Variants in SNX24 observed in about 807,000 individuals in gnomAD.
SNX24 encodes the protein sorting nexin-24.
In SNX24, 22 loss-of-function variants were observed where a neutral mutation model predicts 28.7. That is an observed-to-expected ratio of 0.77 (90% CI 0.55 to 1.10). The LOEUF (loss-of-function observed/expected upper bound fraction) is 1.10, where lower values mean the gene tolerates loss of function less well. Ranked by LOEUF, SNX24 falls within the 50% of genes least tolerant of loss-of-function variation. The pLI, the probability that SNX24 is intolerant of heterozygous loss-of-function variation, is 0.00. For missense variants in SNX24, 221 were observed against 201.1 expected, an observed-to-expected ratio of 1.10 and a Z score of -0.60; for synonymous variants, 69 against 71.5, an observed-to-expected ratio of 0.96 and a Z score of 0.18.
intron 1 of SNX24, among the ~76,000 whole-genome samples, chr5:122,934,584 TC>T (rs1332527341): frequency 6.6e-6 from 1 of 152,132 alleles, no homozygotes; most frequent in Non-Finnish European, 1.5e-5. Context: ...GGTCTCAAAC[TC>T]CTGACCTCAT....
intron 1 of SNX24, among the ~76,000 whole-genome samples, chr5:122,919,253 C>T (rs934248380): frequency 1.3e-5 from 2 of 152,086 alleles, no homozygotes; most frequent in African/African-American, 2.4e-5. Flanking sequence ...CAGTGGCTTC[C>T]GCATTTTATG....
rs1338392348 is a variant in SNX24 at position 122,936,769 on chromosome 5, A to G, written c.96A>G (p.Lys32=). 1.2e-6 allele frequency: 2 copies of G among 1,607,400 alleles called. No homozygotes were observed. The highest frequency in any genetic ancestry group is 2.2e-5 in the East Asian group (1 of 44,804). Residue 32 remains lysine, a synonymous_variant, in exon 2 of 7, where the codon AAA becomes AAG. Coordinates refer to ENST00000261369, the MANE Select transcript of SNX24 (RefSeq NM_014035.4). Reference sequence around the variant, plus strand: ...TAGAAGTGCTAATGAATGGAAGAAAACATTTTGTTGAAAAGAGATACAGCG... The same window carrying G: ...TAGAAGTGCTAATGAATGGAAGAAAGCATTTTGTTGAAAAGAGATACAGCG... ...FKIEVLMNGR[K]HFVEKRYSEF... is the part of the protein sequence containing the mutation.
chr5:122,856,852 A>T (rs532871347), intron 1 of SNX24, among the ~76,000 whole-genome samples: 45 of 152,162 alleles, frequency 3.0e-4, no homozygotes, highest in South Asian at 1.0e-3. Context: ...ATAGCTCAAA[A>T]GAAAAGTTTC....
At chr5:122,986,566 C>T (rs1045533833) in intron 3 of SNX24, among the ~76,000 whole-genome samples, 16 of 152,074 alleles carry the variant, frequency 1.1e-4, no homozygotes, top group African/African-American at 3.9e-4. Context: ...AGTGATTTAG[C>T]AACTCAAAAG....
chr5:122,856,741 C>G (rs1373753642), intron 1 of SNX24, among the ~76,000 whole-genome samples: 1 of 151,938 alleles, frequency 6.6e-6, no homozygotes, highest in Admixed American at 6.6e-5. Flanking sequence ...GTTTTGAACT[C>G]CTGACCTCAA....
intron 3 of SNX24, among the ~76,000 whole-genome samples, chr5:122,983,469 T>C (rs1761471978): frequency 6.6e-6 from 1 of 152,216 alleles, no homozygotes; most frequent in Admixed American, 6.5e-5. Flanking sequence ...AGACTCTGTT[T>C]ATCTCAAAAT....
chr5:123,026,396 T>C (rs991442981), intron 5 of SNX24, among the ~76,000 whole-genome samples: 1 of 152,142 alleles, frequency 6.6e-6, no homozygotes, highest in Non-Finnish European at 1.5e-5. Context: ...TTATCCAGGA[T>C]TGGGTGTTAC....
chr5:122,972,650 C>G (rs531018094), intron 3 of SNX24, among the ~76,000 whole-genome samples: 57 of 152,322 alleles, frequency 3.7e-4, no homozygotes, highest in African/African-American at 1.3e-3. Flanking sequence ...AATACCATGA[C>G]TGTGGATAAG....
chr5:123,001,996 C>A lies in SNX24; in HGVS notation c.434C>A (p.Ala145Glu), dbSNP rs1183376182. ...CTCAGGGATCCATATGTCTTGCCTGCAGCCAGCGGTAATCAAACCTGTCAT... is the reference window on the plus strand; with the variant it reads ...CTCAGGGATCCATATGTCTTGCCTGAAGCCAGCGGTAATCAAACCTGTCAT... The part of the protein sequence containing the change: ...LFLRDPYVLP[A>E]ASDFPNVVIE... The change falls in exon 6 of 7, where the codon GCA (alanine) becomes GAA (glutamate). Residue 145 changes from alanine to glutamate, a missense_variant. Transcript: ENST00000261369. The A allele has an allele frequency of 8.1e-6, 13 of 1,613,572 alleles. No homozygotes were observed. Among genetic ancestry groups the A allele is most frequent in the African/African-American group, 1.3e-5 (1 of 74,908 alleles).
chr5:122,918,808 T>A (rs1034426732), intron 1 of SNX24, among the ~76,000 whole-genome samples: 3 of 152,222 alleles, frequency 2.0e-5, no homozygotes, highest in Admixed American at 6.5e-5. Flanking sequence ...TTATGAAATG[T>A]AGTTTTCTAC....
In SNX24 at chr5:122,897,461, A is replaced by T. The variant is rs373590290; in HGVS notation, c.61-39273A>T. Reference sequence around the variant, plus strand: ...GCATTCATAAGAATTAGAAGACAGCATATAGACTAACATGTTAAAGGAAAG... The same window carrying T: ...GCATTCATAAGAATTAGAAGACAGCTTATAGACTAACATGTTAAAGGAAAG... On this transcript the variant is annotated intron_variant, in intron 1 of 6. Coordinates refer to ENST00000261369, the MANE Select transcript of SNX24 (RefSeq NM_014035.4). Among the ~76,000 whole-genome samples, 16 of 152,358 alleles carry T rather than the reference A, an allele frequency of 1.1e-4. 2 individuals carry two copies. The highest frequency in any genetic ancestry group is 3.9e-4 in the East Asian group (2 of 5,192).
chr5:122,908,363 AT>A (rs1293697923), intron 1 of SNX24, among the ~76,000 whole-genome samples: 1 of 152,238 alleles, frequency 6.6e-6, no homozygotes, highest in Non-Finnish European at 1.5e-5. Flanking sequence ...GGAGAGGGAA[AT>A]CACTACAATA....
intron 1 of SNX24, among the ~76,000 whole-genome samples, chr5:122,848,346 T>C (rs1754735359): frequency 6.6e-6 from 1 of 152,136 alleles, no homozygotes; most frequent in Admixed American, 6.5e-5. Context: ...TCCTCCCACC[T>C]TGACCTCCCA....
intron 3 of SNX24, among the ~76,000 whole-genome samples, chr5:122,990,791 T>A (rs1303111636): frequency 6.6e-6 from 1 of 152,240 alleles, no homozygotes; most frequent in Non-Finnish European, 1.5e-5. Flanking sequence ...TTATTAAATC[T>A]GTTTTGGTTC....
chr5:122,941,746 A>G (rs796615911), intron 2 of SNX24, among the ~76,000 whole-genome samples: 10 of 152,316 alleles, frequency 6.6e-5, no homozygotes, highest in African/African-American at 2.4e-4. Flanking sequence ...GGCAAATGGT[A>G]TATTTGGAGA....
At chr5:122,874,845 A>T (rs115060572) in intron 1 of SNX24, among the ~76,000 whole-genome samples, 1 of 152,192 alleles carries the variant, frequency 6.6e-6, no homozygotes, top group East Asian at 1.9e-4. Context: ...GCTTCCTTCA[A>T]TGGAGATAAT....
intron 3 of SNX24, among the ~76,000 whole-genome samples, chr5:122,994,763 A>T (rs1025439283): frequency 1.3e-5 from 2 of 152,194 alleles, no homozygotes; most frequent in Non-Finnish European, 1.5e-5. Context: ...AAAATTCTTC[A>T]TTTAAAGTGA....
chr5:122,891,069 T>G (rs1304247280), intron 1 of SNX24: 1 of 1,532,338 alleles, frequency 6.5e-7, no homozygotes, highest in Non-Finnish European at 8.8e-7. Context: ...AAAAATGGAA[T>G]CATATGAAGT....
chr5:122,889,072 C>T (rs150470104), intron 1 of SNX24, among the ~76,000 whole-genome samples: 3 of 152,220 alleles, frequency 2.0e-5, no homozygotes, highest in East Asian at 1.9e-4. Flanking sequence ...CAGCTAGTCT[C>T]GAACTCCTGA....
Sources: gnomAD v4.1 joint callset for allele counts (sites outside exome capture counted in the v4.1 genomes callset) on GRCh38, gnomAD v4.1.1 for gene constraint, MANE v1.5 for transcripts, NCBI Gene and HGNC (gene_info 2026-07-23, HGNC 2026-07-21) for gene names.